The following DAP3 variants were observed in gnomAD, a reference collection of about 807,000 sequenced individuals.
DAP3 encodes small ribosomal subunit protein mS29.
Under a neutral mutation model 51.9 loss-of-function variants are expected in DAP3, and 28 were observed. That is an observed-to-expected ratio of 0.54 (90% confidence interval 0.40 to 0.74). DAP3 has a LOEUF of 0.74. Ranked by LOEUF, DAP3 falls within the 30% of genes least tolerant of loss-of-function variation. DAP3 has a pLI of 0.00. For missense variants in DAP3, 458 were observed against 483.5 expected (o/e 0.95, Z 0.49); for synonymous variants, 170 against 170.3 (o/e 1.00, Z 0.01).
chr1:155,688,400 A>G, upstream of DAP3: 1 of 1,543,880 alleles, frequency 6.5e-7, no homozygotes, highest in Non-Finnish European at 8.8e-7. Context: ...CGACACCCCC[A>G]ACCTCCCACT....
Position 155,690,321 on chromosome 1 carries a change from G to A in DAP3, c.-8+1147G>A, listed in dbSNP as rs564110028. On this transcript the variant is annotated intron_variant, in intron 1 of 12. Coordinates refer to ENST00000368336, the MANE Select transcript of DAP3 (RefSeq NM_004632.4). ...AATCTCAGCACTTTGGGAGGCGGAG[G>A]AGGGCGCATTGCTTGAGCCTAGGAG... Among the ~76,000 whole-genome samples the A allele has an allele frequency of 2.7e-4, 38 of 141,286 alleles. 10 individuals carry two copies. The highest frequency in any genetic ancestry group is 1.1e-3 in the African/African-American group (33 of 30,842). The allele number at this position is 141,286 out of a possible 152,430, so 92.7% of individuals were successfully genotyped here.
chr1:155,731,861 G>GA (rs144369278), intron 10 of DAP3, 83 bp from the exon 11 acceptor site: 14,214 of 1,310,732 alleles, frequency 0.011, 224 homozygotes, highest in African/African-American at 0.089. Flanking sequence ...GCCCAAGAAA[G>GA]AAAAAAAAAA....
At position 155,731,260 on chromosome 1, in the gene DAP3, CTG is replaced by C. The variant is rs1659213789; in HGVS notation, c.844-94_844-93del. 12 of 1,206,030 alleles carry C rather than the reference CTG, an allele frequency of 9.9e-6. No individual in the cohort carries two copies. In the Middle Eastern group the frequency reaches 1.2e-3, roughly 116 times the overall value. 74.7% of individuals were successfully genotyped at this position (1,206,030 alleles called of 1,614,324 possible). Reference sequence around the variant, plus strand: ...CCAGCCTGGGCGACAGAGCGAGACTCTGTCAAAAAAAAAAAAAAATTGTTGTC... The same window carrying C: ...CCAGCCTGGGCGACAGAGCGAGACTCTCAAAAAAAAAAAAAAATTGTTGTC... On this transcript the variant is annotated intron_variant, in intron 9 of 12. Coordinates refer to ENST00000368336, the MANE Select transcript of DAP3 (RefSeq NM_004632.4).
chr1:155,697,229 A>T (rs1226723686), intron 1 of DAP3, among the ~76,000 whole-genome samples: 2 of 152,138 alleles, frequency 1.3e-5, no homozygotes, highest in African/African-American at 2.4e-5. Flanking sequence ...TGGGTGCGGC[A>T]AGCTGAGTTT....
intron 2 of DAP3, among the ~76,000 whole-genome samples, chr1:155,716,736 A>G (rs962569039): frequency 6.6e-6 from 1 of 151,934 alleles, no homozygotes; most frequent in Non-Finnish European, 1.5e-5. Context: ...ACCTGAGTTC[A>G]GGAGTTCAAG....
chr1:155,718,049 C>T (rs1657528916), intron 3 of DAP3, among the ~76,000 whole-genome samples: 1 of 152,172 alleles, frequency 6.6e-6, no homozygotes, highest in African/African-American at 2.4e-5. Flanking sequence ...AGTAAACACC[C>T]ATTACCCAAA....
intron 10 of DAP3, 90 bp from the exon 11 acceptor site, chr1:155,731,854 C>G: frequency 7.4e-7 from 1 of 1,358,532 alleles, no homozygotes; most frequent in Non-Finnish European, 1.0e-6. Flanking sequence ...ACTGTATGCC[C>G]AAGAAAGAAA....
chr1:155,728,371 G>C (rs1365100507), intron 7 of DAP3, among the ~76,000 whole-genome samples: 1 of 152,122 alleles, frequency 6.6e-6, no homozygotes, highest in African/African-American at 2.4e-5. Context: ...AGATGAGCCT[G>C]GCCAACATGG....
chr1:155,731,956 A>T lies in DAP3; in HGVS notation c.916A>T (p.Ile306Phe). The change falls in exon 11 of 13, where the codon ATT (isoleucine) becomes TTT (phenylalanine). Residue 306 changes from isoleucine (I) to phenylalanine (F), a missense_variant. Transcript: ENST00000368336. ...MMKNDWHGGA[I>F]VSALSQTGSL... ...TCTTTTCTTTCAGCATGGAGGCGCC[A>T]TTGTGTCGGCTTTGAGCCAGACTGG... 3.7e-6 allele frequency: 6 copies of T among 1,610,438 alleles called. No homozygotes were observed. Among genetic ancestry groups the T allele is most frequent in the Non-Finnish European group, 5.1e-6 (6 of 1,178,420 alleles).
chr1:155,710,483 G>C (rs370638875), intron 2 of DAP3: 1 of 152,066 alleles, frequency 6.6e-6, no homozygotes, highest in Non-Finnish European at 1.5e-5. Context: ...GCCCACCTAG[G>C]CCTCCCAAAG....
At chr1:155,738,086 T>A in intron 12 of DAP3, 71 bp from the exon 13 acceptor site, 1 of 1,487,410 alleles carries the variant, frequency 6.7e-7, no homozygotes, top group South Asian at 1.2e-5. Flanking sequence ...AGCCTCTGAC[T>A]ACACGATATT....
At chr1:155,706,194 T>G (rs1440136726) in intron 1 of DAP3, among the ~76,000 whole-genome samples, 1 of 152,098 alleles carries the variant, frequency 6.6e-6, no homozygotes, top group South Asian at 2.1e-4. Flanking sequence ...TTTGTGGAAT[T>G]GGCGGTCTTA....
intron 3 of DAP3, among the ~76,000 whole-genome samples, chr1:155,720,600 A>G (rs1196091143): frequency 6.6e-6 from 1 of 151,778 alleles, no homozygotes; most frequent in Non-Finnish European, 1.5e-5. Context: ...GTGAGCCAAG[A>G]TCGCGCCATT....
At chr1:155,731,277 A>T in intron 9 of DAP3, 79 bp from the exon 10 acceptor site, 1 of 1,490,082 alleles carries the variant, frequency 6.7e-7, no homozygotes, top group Non-Finnish European at 9.3e-7. Context: ...AAAAAAAAAA[A>T]AATTGTTGTC....
intron 2 of DAP3, chr1:155,710,666 C>T (rs878960751): frequency 1.3e-5 from 2 of 152,092 alleles, no homozygotes; most frequent in Non-Finnish European, 2.9e-5. Context: ...CATGATCAAC[C>T]CATGAACGAG....
At chr1:155,703,418 T>TG (rs1266530632) in intron 1 of DAP3, among the ~76,000 whole-genome samples, 1 of 152,208 alleles carries the variant, frequency 6.6e-6, no homozygotes, top group Non-Finnish European at 1.5e-5. Context: ...ATGAACGGTA[T>TG]GGGGAAACCG....
chr1:155,727,539 G>A, intron 6 of DAP3, 69 bp from the exon 7 acceptor site: 1 of 1,536,488 alleles, frequency 6.5e-7, no homozygotes, highest in South Asian at 1.2e-5. Flanking sequence ...ACTTAAAAGA[G>A]GCATAGAATA....
chr1:155,700,189 C>T (rs1655004829), intron 1 of DAP3, among the ~76,000 whole-genome samples: 2 of 152,214 alleles, frequency 1.3e-5, no homozygotes, highest in Non-Finnish European at 2.9e-5. Context: ...CCCGCCTTGG[C>T]CTCCCAAAGT....
chr1:155,709,888 C>T (rs2149145923), intron 2 of DAP3, 64 bp downstream of exon 2: 1 of 1,499,050 alleles, frequency 6.7e-7, no homozygotes, highest in East Asian at 2.3e-5. Flanking sequence ...TTCTTGTTTT[C>T]AGATGGATTC....
Sources: allele counts gnomAD v4.1 joint callset (sites outside exome capture counted in the v4.1 genomes callset), GRCh38; gene constraint gnomAD v4.1.1; transcripts MANE v1.5; gene names NCBI Gene and HGNC (gene_info 2026-07-23, HGNC 2026-07-21).